CTNNA2: variants seen among roughly 807,000 people sequenced by gnomAD.
The protein encoded by CTNNA2 is catenin alpha-2.
A neutral mutation model predicts 101.0 loss-of-function variants in CTNNA2; 42 were observed. The ratio of observed to expected loss-of-function variants is 0.42; its 90% CI spans 0.32 to 0.54. CTNNA2 has a LOEUF of 0.54. CTNNA2 is among the 20% of genes least tolerant of loss of function. The pLI is 0.14. For missense variants in CTNNA2, 871 were observed against 1,223.1 expected (o/e 0.71, Z 4.29); for synonymous variants, 450 against 456.4 (o/e 0.99, Z 0.18).
At chr2:79,350,006 A>G (rs190604431) in intron 3 of CTNNA2, among the ~76,000 whole-genome samples, 1 of 146,798 alleles carries the variant, frequency 6.8e-6, no homozygotes, top group East Asian at 2.1e-4. Context: ...CCCGGGAGGC[A>G]GAGCTTGCAG....
At chr2:80,170,770 TTAAA>T (rs1445502065) in intron 7 of CTNNA2, among the ~76,000 whole-genome samples, 2 of 152,160 alleles carry the variant, frequency 1.3e-5, no homozygotes, top group African/African-American at 4.8e-5. Flanking sequence ...TAAGAATAAA[TTAAA>T]TGAATGAACA....
intron 4 of CTNNA2, among the ~76,000 whole-genome samples, chr2:79,452,127 T>C (rs943057041): frequency 3.9e-5 from 6 of 152,114 alleles, no homozygotes; most frequent in Non-Finnish European, 5.9e-5. Flanking sequence ...TTGCAAGAAG[T>C]ATAGGAAAGC....
intron 15 of CTNNA2, among the ~76,000 whole-genome samples, chr2:80,591,750 T>A (rs549845247): frequency 1.2e-4 from 19 of 152,248 alleles, no homozygotes; most frequent in Non-Finnish European, 2.4e-4. Context: ...TTTATTATCT[T>A]GTTGTTTTAT....
intron 9 of CTNNA2, among the ~76,000 whole-genome samples, chr2:80,530,842 C>T (rs984676083): frequency 3.3e-5 from 5 of 152,144 alleles, no homozygotes; most frequent in African/African-American, 1.2e-4. Context: ...AGGGGAAAAG[C>T]ATGGAAAAAG....
At chr2:80,092,086 A>C (rs1336117468) in intron 7 of CTNNA2, among the ~76,000 whole-genome samples, 2 of 152,046 alleles carry the variant, frequency 1.3e-5, no homozygotes, top group East Asian at 3.9e-4. Context: ...GTGTGTGTAA[A>C]TTATGGCTCA....
At chr2:79,586,556 T>A (rs1415530388) in intron 1 of CTNNA2, among the ~76,000 whole-genome samples, 1 of 152,058 alleles carries the variant, frequency 6.6e-6, no homozygotes, top group African/African-American at 2.4e-5. Flanking sequence ...TCTTTTTTTG[T>A]TATGTTTCTG....
At chr2:80,252,460 C>T (rs1395114448) in intron 7 of CTNNA2, among the ~76,000 whole-genome samples, 2 of 152,142 alleles carry the variant, frequency 1.3e-5, no homozygotes, top group Admixed American at 6.6e-5. Flanking sequence ...AAGTTCTTGG[C>T]TCAGCCTCTT....
chr2:80,411,206 A>G (rs1679538442), intron 8 of CTNNA2, among the ~76,000 whole-genome samples: 1 of 152,246 alleles, frequency 6.6e-6, no homozygotes, highest in African/African-American at 2.4e-5. Context: ...GAGTTATAAG[A>G]AAATGGTTAC....
intron 1 of CTNNA2, among the ~76,000 whole-genome samples, chr2:79,639,820 G>A (rs1223177619): frequency 6.6e-6 from 1 of 152,018 alleles, no homozygotes; most frequent in Non-Finnish European, 1.5e-5. Flanking sequence ...AGAGAATATC[G>A]AAGGCATTCT....
chr2:79,740,999 C>T (rs1160601138), intron 2 of CTNNA2, among the ~76,000 whole-genome samples: 1 of 152,064 alleles, frequency 6.6e-6, no homozygotes, highest in Non-Finnish European at 1.5e-5. Context: ...AATGACACTT[C>T]AGGTGGGAGA....
chr2:80,569,633 G>GGTTTTTTTTTTTTTTTT (rs1553392641), intron 12 of CTNNA2, among the ~76,000 whole-genome samples: 1 of 51,718 alleles, frequency 1.9e-5, no homozygotes, highest in Non-Finnish European at 3.9e-5. Context: ...GGGTATTTAG[G>GGTTTTTTTTTTTTTTTT]TTTTTTTTTT....
intron 16 of CTNNA2, 113 bp from the exon 17 acceptor site, chr2:80,608,071 A>G: frequency 1.1e-6 from 1 of 940,774 alleles, no homozygotes; most frequent in Non-Finnish European, 1.5e-6. Flanking sequence ...AGTTAAATGA[A>G]TGTAATTAAG....
intron 7 of CTNNA2, among the ~76,000 whole-genome samples, chr2:80,300,000 G>T (rs1238344929): frequency 6.6e-6 from 1 of 152,044 alleles, no homozygotes; most frequent in Non-Finnish European, 1.5e-5. Flanking sequence ...TTCTAGAGGA[G>T]GTCGCTTTAG....
At chr2:79,782,311 A>G (rs955325773) in intron 3 of CTNNA2, among the ~76,000 whole-genome samples, 2 of 152,062 alleles carry the variant, frequency 1.3e-5, no homozygotes, top group African/African-American at 4.8e-5. Context: ...GTCTTGGCTC[A>G]CTGTAACCTC....
At chr2:80,160,841 A>G (rs1374841461) in intron 7 of CTNNA2, among the ~76,000 whole-genome samples, 3 of 151,684 alleles carry the variant, frequency 2.0e-5, no homozygotes, top group Non-Finnish European at 4.4e-5. Context: ...TTGGTTTCCA[A>G]TCTTATAGGA....
chr2:80,630,269 AG>A (rs541008763), intron 18 of CTNNA2, among the ~76,000 whole-genome samples: 107 of 152,364 alleles, frequency 7.0e-4, no homozygotes, highest in African/African-American at 2.5e-3. Flanking sequence ...AGAGTATTGA[AG>A]TTAAAACAAT....
At chr2:80,237,822 T>C (rs1709623898) in intron 7 of CTNNA2, among the ~76,000 whole-genome samples, 1 of 152,162 alleles carries the variant, frequency 6.6e-6, no homozygotes, top group Non-Finnish European at 1.5e-5. Flanking sequence ...ATGAAGACTC[T>C]ATATCCTGGG....
chr2:79,750,788 C>G (rs1198364374), intron 3 of CTNNA2, among the ~76,000 whole-genome samples: 1 of 151,634 alleles, frequency 6.6e-6, no homozygotes, highest in Non-Finnish European at 1.5e-5. Context: ...AGGAGAATCA[C>G]TTGAACCCAG....
At chr2:79,909,565 T>A (rs1317939588) in intron 6 of CTNNA2, 29 bp from the exon 7 acceptor site, 8 of 1,539,218 alleles carry the variant, frequency 5.2e-6, no homozygotes, top group Non-Finnish European at 7.1e-6. Flanking sequence ...CTCTGCTGAT[T>A]TTTGTGTGTG....
Sources: gnomAD v4.1 joint callset for allele counts (sites outside exome capture counted in the v4.1 genomes callset) on GRCh38, gnomAD v4.1.1 for gene constraint, MANE v1.5 for transcripts, NCBI Gene and HGNC (gene_info 2026-07-23, HGNC 2026-07-21) for gene names.